Variants in XKR6 observed in about 807,000 individuals in gnomAD.
XKR6 encodes XK-related protein 6.
Under a neutral mutation model 56.7 loss-of-function variants are expected in XKR6, and 22 were observed. The observed-to-expected ratio is 0.39, with a 90% confidence interval of 0.28 to 0.55. The LOEUF is 0.55. Among genes scored for constraint, XKR6 ranks in the 20% least tolerant of loss-of-function variants. XKR6 has a pLI of 0.66. For missense variants in XKR6, 852 were observed against 889.0 expected, an observed-to-expected ratio of 0.96 and a Z score of 0.53; for synonymous variants, 524 against 387.8, an observed-to-expected ratio of 1.35 and a Z score of -4.13.
chr8:11,013,707 G>T (rs1037611704), intron 1 of XKR6, among the ~76,000 whole-genome samples: 1 of 152,190 alleles, frequency 6.6e-6, no homozygotes, highest in African/African-American at 2.4e-5. Context: ...TCCCCTAGCT[G>T]GTTTGGAAAC....
intron 1 of XKR6, among the ~76,000 whole-genome samples, chr8:11,186,698 A>G (rs1803293730): frequency 6.6e-6 from 1 of 152,262 alleles, no homozygotes; most frequent in African/African-American, 2.4e-5. Flanking sequence ...AGTTTTTAAG[A>G]AACAGTTATA....
intron 1 of XKR6, chr8:11,136,936 C>T (rs1259381437): frequency 6.6e-6 from 1 of 152,116 alleles, no homozygotes; most frequent in African/African-American, 2.4e-5. Context: ...AAATTTTCTA[C>T]AATGACCCAC....
chr8:10,930,291 C>T (rs963186041), intron 1 of XKR6, among the ~76,000 whole-genome samples: 8 of 152,194 alleles, frequency 5.3e-5, no homozygotes, highest in African/African-American at 1.9e-4. Context: ...TTCAAAGCCC[C>T]AAACAGGGGT....
chr8:11,079,291 G>C (rs115870053), intron 1 of XKR6, among the ~76,000 whole-genome samples: 1 of 152,190 alleles, frequency 6.6e-6, no homozygotes, highest in African/African-American at 2.4e-5. Flanking sequence ...GTATCAATTG[G>C]GGAATAAATA....
intron 1 of XKR6, among the ~76,000 whole-genome samples, chr8:11,040,432 T>G (rs1367414849): frequency 6.6e-6 from 1 of 151,050 alleles, no homozygotes; most frequent in Non-Finnish European, 1.5e-5. Context: ...CTCAGGAGGC[T>G]GAAGCAGGAG....
intron 2 of XKR6, 82 bp downstream of exon 2, chr8:10,924,552 G>C: frequency 2.7e-6 from 4 of 1,502,974 alleles, no homozygotes; most frequent in Non-Finnish European, 3.6e-6. Context: ...GAGCGTGCCA[G>C]GCACGAAGTG....
chr8:10,939,337 G>C (rs573200333), intron 1 of XKR6, among the ~76,000 whole-genome samples: 95 of 152,300 alleles, frequency 6.2e-4, no homozygotes, highest in African/African-American at 2.1e-3. Flanking sequence ...CTGGCCCCAA[G>C]GACCAGTGAC....
intron 1 of XKR6, among the ~76,000 whole-genome samples, chr8:11,101,214 G>A (rs58512247): frequency 0.067 from 10,124 of 152,196 alleles, 771 homozygotes; most frequent in African/African-American, 0.19. Context: ...AATTATACAC[G>A]AGAGTCATTG....
At chr8:11,009,649 T>C (rs1285126412) in intron 1 of XKR6, among the ~76,000 whole-genome samples, 2 of 152,184 alleles carry the variant, frequency 1.3e-5, no homozygotes, top group African/African-American at 4.8e-5. Context: ...ACTGTCAAGC[T>C]TATCAAAAAC....
intron 1 of XKR6, among the ~76,000 whole-genome samples, chr8:11,047,770 G>A (rs1470756992): frequency 6.6e-6 from 1 of 152,128 alleles, no homozygotes; most frequent in Non-Finnish European, 1.5e-5. Flanking sequence ...AGTTAAAATG[G>A]TAAATTTAAT....
At chr8:11,135,933 A>T (rs1800367864) in intron 1 of XKR6, among the ~76,000 whole-genome samples, 1 of 152,216 alleles carries the variant, frequency 6.6e-6, no homozygotes, top group African/African-American at 2.4e-5. Context: ...GGCTGATAAC[A>T]TTTTAAAGGA....
chr8:10,908,974 A>G (rs1221961552), intron 2 of XKR6, among the ~76,000 whole-genome samples: 1 of 152,196 alleles, frequency 6.6e-6, no homozygotes, highest in Non-Finnish European at 1.5e-5. Context: ...AGACTAGCCT[A>G]GCCAACATGG....
intron 1 of XKR6, among the ~76,000 whole-genome samples, chr8:11,113,197 T>A (rs995844122): frequency 2.6e-5 from 4 of 152,198 alleles, no homozygotes; most frequent in African/African-American, 9.6e-5. Context: ...AGAAATGAAG[T>A]GGCGTAAACA....
chr8:11,163,609 A>G (rs769957855), intron 1 of XKR6, among the ~76,000 whole-genome samples: 1 of 152,232 alleles, frequency 6.6e-6, no homozygotes, highest in Non-Finnish European at 1.5e-5. Context: ...CAAAATATGC[A>G]CTGAATGTGG....
At chr8:11,002,419 C>T (rs532725504) in intron 1 of XKR6, 24 of 401,932 alleles carry the variant, frequency 6.0e-5, no homozygotes, top group Admixed American at 1.1e-4. Flanking sequence ...GGGAGGCCCG[C>T]GTGCAGCAGT....
chr8:11,048,189 A>T (rs1261601405), intron 1 of XKR6, among the ~76,000 whole-genome samples: 2 of 152,182 alleles, frequency 1.3e-5, no homozygotes, highest in Non-Finnish European at 2.9e-5. Context: ...TAGCGCCTAG[A>T]CACTATGGGG....
intron 1 of XKR6, among the ~76,000 whole-genome samples, chr8:11,106,964 G>A (rs1036103146): frequency 1.3e-5 from 2 of 152,050 alleles, no homozygotes; most frequent in Non-Finnish European, 2.9e-5. Flanking sequence ...GAAGCTACAG[G>A]AAGGGAGACA....
intron 1 of XKR6, among the ~76,000 whole-genome samples, chr8:11,192,852 G>C (rs1803656106): frequency 6.6e-6 from 1 of 152,150 alleles, no homozygotes; most frequent in African/African-American, 2.4e-5. Flanking sequence ...AAACACAGCT[G>C]AAGTGAGAAA....
intron 1 of XKR6, among the ~76,000 whole-genome samples, chr8:11,094,457 T>A (rs1345569299): frequency 6.6e-6 from 1 of 152,226 alleles, no homozygotes; most frequent in African/African-American, 2.4e-5. Context: ...CCCAAAGTGC[T>A]GGGAGTACAG....
Sources: gnomAD v4.1 joint callset for allele counts (sites outside exome capture counted in the v4.1 genomes callset) on GRCh38, gnomAD v4.1.1 for gene constraint, MANE v1.5 for transcripts, NCBI Gene and HGNC (gene_info 2026-07-23, HGNC 2026-07-21) for gene names.